Variants in TAF13 observed in about 807,000 individuals in gnomAD.
TAF13 encodes the protein TATA-box binding protein associated factor 13.
Under a neutral mutation model 18.7 loss-of-function variants are expected in TAF13, and 9 were observed. The observed-to-expected ratio is 0.48, with a 90% CI of 0.29 to 0.84. TAF13 has a LOEUF of 0.84. TAF13 is among the 40% of genes least tolerant of loss of function. The probability of loss-of-function intolerance (pLI) is 0.08; values close to 1 mark genes in which losing one functional copy is unlikely to be tolerated. For missense variants in TAF13, 105 were observed against 146.5 expected (o/e 0.72, Z 1.46); for synonymous variants, 49 against 44.1 (o/e 1.11, Z -0.44).
intron 2 of TAF13, among the ~76,000 whole-genome samples, chr1:109,068,699 CAAGCTTTAAG>C (rs1484641459): frequency 6.6e-6 from 1 of 152,144 alleles, no homozygotes; most frequent in East Asian, 1.9e-4. Flanking sequence ...AGTCCAGAGA[CAAGCTTTAAG>C]AAGTCCTTGA....
chr1:109,067,184 G>A (rs1663965882), intron 2 of TAF13, among the ~76,000 whole-genome samples: 1 of 152,156 alleles, frequency 6.6e-6, no homozygotes, highest in Admixed American at 6.5e-5. Flanking sequence ...TAGGTCGGGT[G>A]CAGTGGCCCA....
rs1178447559 is a variant in TAF13 at position 109,066,896 on chromosome 1, T to C, written c.107-664A>G. 2.6e-5 allele frequency among the ~76,000 whole-genome samples: 4 copies of C among 151,904 alleles called. No individual in the cohort carries two copies. The East Asian group carries it at 7.8e-4, about 30-fold the overall frequency. ...CACCACGCCCGGCTAATTTTTTGTA[T>C]TTTTAGTAGAGAAGGGGTTTCACTG... is the stretch of plus-strand genomic sequence containing the variant. On this transcript the variant is annotated intron_variant, in intron 2 of 3. Coordinates refer to ENST00000338366, the MANE Select transcript of TAF13 (RefSeq NM_005645.4).
At chr1:109,064,804 A>ATTC in intron 3 of TAF13, 111 bp from the exon 4 acceptor site, 1 of 852,580 alleles carries the variant, frequency 1.2e-6, no homozygotes, top group Non-Finnish European at 1.6e-6. Flanking sequence ...TATTATTATT[A>ATTC]TTATGGCTAT....
chr1:109,067,706 T>C (rs943374979), intron 2 of TAF13, among the ~76,000 whole-genome samples: 1 of 152,160 alleles, frequency 6.6e-6, no homozygotes, highest in Non-Finnish European at 1.5e-5. Flanking sequence ...AGATAAAACA[T>C]ATATAGCCCT....
rs774622008 is a variant in TAF13 at position 109,064,698 on chromosome 1, T to G, written c.205-5A>C. The stretch of plus-strand genomic sequence containing the variant: ...AATTGACATTGCCTTGTGAGTCTAT[T>G]ACAAAGAAACATATTACATTTAACT... On this transcript the variant is annotated splice_polypyrimidine_tract_variant and splice_region_variant and intron_variant, in intron 3 of 3. Coordinates refer to ENST00000338366, the MANE Select transcript of TAF13 (RefSeq NM_005645.4). 6 of 1,462,388 alleles carry G rather than the reference T, an allele frequency of 4.1e-6. No homozygotes were observed. Among genetic ancestry groups the G allele is most frequent in the Non-Finnish European group, 5.4e-6 (6 of 1,104,066 alleles). 90.6% of individuals were successfully genotyped at this position (1,462,388 alleles called of 1,614,324 possible). A position where few individuals can be genotyped will look rare whatever the true frequency, so the allele number is the denominator to read the frequency against.
chr1:109,071,443 GAAA>G (rs1164517886), intron 2 of TAF13, among the ~76,000 whole-genome samples: 5 of 124,786 alleles, frequency 4.0e-5, no homozygotes, highest in African/African-American at 1.2e-4. Context: ...TCCATCTCAG[GAAA>G]AAAAAAAAAA....
chr1:109,066,007 C>T lies in TAF13; in HGVS notation c.204+128G>A, dbSNP rs559315448. The T allele has an allele frequency of 4.5e-6, 3 of 671,302 alleles. No homozygotes were observed. The African/African-American group carries it at 5.6e-5, about 13-fold the overall frequency. The allele number at this position is 671,302 out of a possible 1,614,324, so 41.6% of individuals were successfully genotyped here. Reference sequence around the variant, plus strand: ...CTCAATGATAAATAGTAACCAATAACTTCTGCAAACAAGCACTCAAATGGA... The same window carrying T: ...CTCAATGATAAATAGTAACCAATAATTTCTGCAAACAAGCACTCAAATGGA... On this transcript the variant is annotated intron_variant, in intron 3 of 3. Coordinates refer to ENST00000338366, the MANE Select transcript of TAF13 (RefSeq NM_005645.4).
chr1:109,072,143 T>C (rs190771434), intron 2 of TAF13, among the ~76,000 whole-genome samples: 7 of 119,924 alleles, frequency 5.8e-5, no homozygotes, highest in East Asian at 5.2e-4. Flanking sequence ...TATATATATA[T>C]ATACTGACCC....
chr1:109,064,784 G>T, intron 3 of TAF13, 91 bp from the exon 4 acceptor site: 2 of 1,054,280 alleles, frequency 1.9e-6, no homozygotes, highest in Non-Finnish European at 2.5e-6. Flanking sequence ...TGAGGTAGAA[G>T]ATTTTCTCTT....
At chr1:109,075,296 A>G (rs1344276362) in intron 1 of TAF13, among the ~76,000 whole-genome samples, 2 of 152,144 alleles carry the variant, frequency 1.3e-5, no homozygotes, top group East Asian at 3.9e-4. Flanking sequence ...TACTGCTTCT[A>G]CTTGTAAGAG....
chr1:109,071,801 A>C lies in TAF13; in HGVS notation c.106+3186T>G, dbSNP rs1470946551. On this transcript the variant is annotated intron_variant, in intron 2 of 3. Transcript: ENST00000338366. ...ACCCTGTCTCTACTAACAATACCAA[A>C]ATTAGCTAGGCGTCGTGGCATGTGC... Among the ~76,000 whole-genome samples the C allele has an allele frequency of 7.3e-5, 11 of 151,006 alleles. No individual in the cohort carries two copies. In the East Asian group the frequency reaches 2.2e-3, roughly 30 times the overall value.
rs574317782 is a variant in TAF13, at chr1:109,073,777, C to T, written c.106+1210G>A. Reference sequence around the variant, plus strand: ...AAGTGCTGAGATTGCAGCCTCTGCCCGGCTGCCACCCCGTCTAGGAATTGA... The same window carrying T: ...AAGTGCTGAGATTGCAGCCTCTGCCTGGCTGCCACCCCGTCTAGGAATTGA... On this transcript the variant is annotated intron_variant, in intron 2 of 3. Coordinates refer to ENST00000338366, the MANE Select transcript of TAF13 (RefSeq NM_005645.4). Among the ~76,000 whole-genome samples, 9 of 152,352 alleles carry T rather than the reference C, an allele frequency of 5.9e-5. 1 individual carries two copies. The South Asian group carries it at 1.7e-3, about 28-fold the overall frequency.
Position 109,066,176 on chromosome 1 carries a change from C to A in TAF13, c.163G>T (p.Asp55Tyr), listed in dbSNP as rs780032579. ...DDQNPYTESVDILEDLVIEFI... is the reference protein window; with the variant it reads ...DDQNPYTESVYILEDLVIEFI... The stretch of plus-strand genomic sequence containing the variant: ...TCTATGACAAGATCTTCAAGAATAT[C>A]CACTGACTCAGTATAAGGATTCTGG... The change falls in exon 3 of 4, where the codon GAT (aspartate) becomes TAT (tyrosine). Residue 55 changes from aspartate (D) to tyrosine (Y), a missense_variant. Transcript: ENST00000338366. 4 of 1,613,042 alleles carry A rather than the reference C, an allele frequency of 2.5e-6. No homozygotes were observed. Among genetic ancestry groups the A allele is most frequent in the Non-Finnish European group, 3.4e-6 (4 of 1,179,678 alleles).
At position 109,066,164 on chromosome 1, in the gene TAF13, C is replaced by A; in HGVS notation, c.175G>T (p.Asp59Tyr). 1 of 1,612,954 alleles carries A rather than the reference C, an allele frequency of 6.2e-7. No individual in the cohort carries two copies. The highest frequency in any genetic ancestry group is 8.5e-7 in the Non-Finnish European group (1 of 1,179,660). The change falls in exon 3 of 4, where the codon GAT (aspartate) becomes TAT (tyrosine). Residue 59 changes from aspartate (D) to tyrosine (Y), a missense_variant. Asp to Tyr is a radical substitution (Grantham distance 160). Coordinates refer to ENST00000338366, the MANE Select transcript of TAF13 (RefSeq NM_005645.4). Reference sequence around the variant, plus strand: ...TCAGTGATAAACTCTATGACAAGATCTTCAAGAATATCCACTGACTCAGTA... The same window carrying A: ...TCAGTGATAAACTCTATGACAAGATATTCAAGAATATCCACTGACTCAGTA... ...PYTESVDILE[D>Y]LVIEFITEMT...
At chr1:109,065,555 A>C (rs1007169759) in intron 3 of TAF13, among the ~76,000 whole-genome samples, 6 of 152,012 alleles carry the variant, frequency 3.9e-5, no homozygotes, top group African/African-American at 1.4e-4. Flanking sequence ...GGAAAAAAAA[A>C]AACCTATGTT....
intron 2 of TAF13, among the ~76,000 whole-genome samples, chr1:109,070,075 A>G (rs1344617695): frequency 6.6e-6 from 1 of 152,104 alleles, no homozygotes; most frequent in Admixed American, 6.6e-5. Flanking sequence ...ACAGGTACAG[A>G]CTTCATTCAG....
At chr1:109,073,305 C>T (rs945492578) in intron 2 of TAF13, among the ~76,000 whole-genome samples, 4 of 151,920 alleles carry the variant, frequency 2.6e-5, no homozygotes, top group South Asian at 4.2e-4. Flanking sequence ...TTTGGGAGGC[C>T]GAGGCAGGCG....
intron 2 of TAF13, among the ~76,000 whole-genome samples, chr1:109,070,769 T>C (rs920413460): frequency 4.6e-5 from 7 of 152,156 alleles, no homozygotes; most frequent in African/African-American, 1.4e-4. Context: ...TCAGGTAAGA[T>C]AAGGAGAAGC....
In TAF13 at chr1:109,075,982, C is replaced by T. The variant is rs1664171513; in HGVS notation, c.-35G>A. On this transcript the variant is annotated 5_prime_UTR_variant, in exon 1 of 4. Coordinates refer to ENST00000338366, the MANE Select transcript of TAF13 (RefSeq NM_005645.4). ...ACGCCAACTCACAGCGTCCTGCCGG[C>T]TGGCTCCCAGCTGGTTACACTACTT... The T allele has an allele frequency of 6.2e-7, 1 of 1,614,086 alleles. No homozygotes were observed. The highest frequency in any genetic ancestry group is 1.3e-5 in the African/African-American group (1 of 74,954).
Sources: gnomAD v4.1 joint callset for allele counts (sites outside exome capture counted in the v4.1 genomes callset) on GRCh38, gnomAD v4.1.1 for gene constraint, MANE v1.5 for transcripts, NCBI Gene and HGNC (gene_info 2026-07-23, HGNC 2026-07-21) for gene names.